Variants in CYTH3 observed in about 807,000 individuals in gnomAD.
The protein encoded by CYTH3 is cytohesin-3.
Under a neutral mutation model 55.1 loss-of-function variants are expected in CYTH3, and 23 were observed. The ratio of observed to expected loss-of-function variants is 0.42; its 90% confidence interval spans 0.30 to 0.59. The LOEUF is 0.59. Ranked by LOEUF, CYTH3 falls within the 20% of genes least tolerant of loss-of-function variation. The pLI, the probability that CYTH3 is intolerant of heterozygous loss-of-function variation, is 0.20. For synonymous variants in CYTH3, 249 were observed against 194.9 expected (o/e 1.28, Z -2.31); for missense variants, 413 against 524.8 (o/e 0.79, Z 2.08).
intron 9 of CYTH3, among the ~76,000 whole-genome samples, chr7:6,168,617 AC>A (rs1179395320): frequency 6.6e-6 from 1 of 152,176 alleles, no homozygotes; most frequent in Non-Finnish European, 1.5e-5. Context: ...CGCCAGCTGG[AC>A]CAGCCCCTCC....
At chr7:6,188,113 G>C (rs1003861674) in intron 2 of CYTH3, among the ~76,000 whole-genome samples, 2 of 152,066 alleles carry the variant, frequency 1.3e-5, no homozygotes, top group African/African-American at 2.4e-5. Context: ...GATCGCTTGA[G>C]ATCAGGAGTT....
intron 1 of CYTH3, among the ~76,000 whole-genome samples, chr7:6,243,208 G>A (rs1475494613): frequency 4.6e-5 from 7 of 152,180 alleles, no homozygotes; most frequent in African/African-American, 1.7e-4. Flanking sequence ...TCACCTCCAG[G>A]CATAAGAGCG....
chr7:6,197,959 T>C (rs1160302665), intron 1 of CYTH3, among the ~76,000 whole-genome samples: 4 of 152,000 alleles, frequency 2.6e-5, no homozygotes, highest in African/African-American at 9.7e-5. Context: ...GCCAGACATG[T>C]CACGCATGCC....
intron 1 of CYTH3, among the ~76,000 whole-genome samples, chr7:6,232,618 T>A (rs183609007): frequency 1.1e-4 from 16 of 152,284 alleles, no homozygotes; most frequent in Admixed American, 1.0e-3. Context: ...GAAATCATTT[T>A]GCCAGTGCCA....
At chr7:6,224,998 TC>T (rs1278126836) in intron 1 of CYTH3, among the ~76,000 whole-genome samples, 1 of 152,148 alleles carries the variant, frequency 6.6e-6, no homozygotes, top group Non-Finnish European at 1.5e-5. Flanking sequence ...AAAGGGCAAA[TC>T]TATAGAGACA....
At chr7:6,168,219 A>AATT (rs1783066947) in intron 9 of CYTH3, among the ~76,000 whole-genome samples, 1 of 121,616 alleles carries the variant, frequency 8.2e-6, no homozygotes, top group African/African-American at 3.1e-5. Context: ...ACCTCCTAGG[A>AATT]TTTTTTTTTT....
chr7:6,250,002 C>T (rs1428454903), intron 1 of CYTH3, among the ~76,000 whole-genome samples: 2 of 152,220 alleles, frequency 1.3e-5, no homozygotes, highest in Non-Finnish European at 2.9e-5. Flanking sequence ...CTTTGACCAA[C>T]TTCTCCCCAC....
At chr7:6,172,336 C>T (rs901864756) in intron 6 of CYTH3, among the ~76,000 whole-genome samples, 1 of 152,098 alleles carries the variant, frequency 6.6e-6, no homozygotes, top group Non-Finnish European at 1.5e-5. Context: ...CCCTTCTTCT[C>T]CGCCAGGCCT....
chr7:6,247,264 T>C (rs1779843544), intron 1 of CYTH3, among the ~76,000 whole-genome samples: 1 of 152,262 alleles, frequency 6.6e-6, no homozygotes, highest in Non-Finnish European at 1.5e-5. Flanking sequence ...TTTCTGGCAA[T>C]GTTATAGAAA....
chr7:6,238,063 T>C (rs1400049473), intron 1 of CYTH3, among the ~76,000 whole-genome samples: 1 of 152,202 alleles, frequency 6.6e-6, no homozygotes, highest in African/African-American at 2.4e-5. Flanking sequence ...AAAATGCATT[T>C]TAAATATCCT....
intron 6 of CYTH3, chr7:6,173,075 T>C: frequency 1.9e-6 from 2 of 1,061,970 alleles, no homozygotes; most frequent in Non-Finnish European, 2.3e-6. Context: ...TGCTGAGTGC[T>C]GGCTCAGGGT....
intron 4 of CYTH3, among the ~76,000 whole-genome samples, chr7:6,179,415 A>T (rs1032148679): frequency 1.3e-5 from 2 of 152,078 alleles, no homozygotes; most frequent in African/African-American, 4.8e-5. Context: ...TCTGGGTTGC[A>T]GTTATGTGAG....
intron 1 of CYTH3, among the ~76,000 whole-genome samples, chr7:6,230,438 A>G (rs1301876853): frequency 1.3e-5 from 2 of 152,244 alleles, no homozygotes; most frequent in African/African-American, 2.4e-5. Context: ...CCAAAGAAAC[A>G]AAACTAGTCA....
intron 1 of CYTH3, among the ~76,000 whole-genome samples, chr7:6,271,927 A>G (rs777842523): frequency 2.6e-5 from 4 of 151,750 alleles, no homozygotes; most frequent in Non-Finnish European, 5.9e-5. Context: ...GAGCAAATCC[A>G]GCGACCGTTT....
intron 1 of CYTH3, among the ~76,000 whole-genome samples, chr7:6,252,893 G>T (rs888084761): frequency 1.3e-5 from 2 of 152,128 alleles, no homozygotes. Context: ...TGTTAAGCCA[G>T]ATAACTACCT....
intron 1 of CYTH3, among the ~76,000 whole-genome samples, chr7:6,260,488 G>A (rs967943793): frequency 6.6e-6 from 1 of 151,806 alleles, no homozygotes; most frequent in Non-Finnish European, 1.5e-5. Context: ...TCCAATTAAG[G>A]CCCATGGCAC....
chr7:6,180,075 G>A (rs1474803404), intron 4 of CYTH3, among the ~76,000 whole-genome samples: 1 of 152,236 alleles, frequency 6.6e-6, no homozygotes, highest in South Asian at 2.1e-4. Context: ...AGTGAGGCCG[G>A]TGGAGAAGCC....
At chr7:6,270,734 T>C (rs1350304509) in intron 1 of CYTH3, among the ~76,000 whole-genome samples, 1 of 152,206 alleles carries the variant, frequency 6.6e-6, no homozygotes, top group African/African-American at 2.4e-5. Flanking sequence ...TATTTCAAGG[T>C]TGCTTCCCTG....
intron 1 of CYTH3, among the ~76,000 whole-genome samples, chr7:6,204,376 C>T (rs1419108813): frequency 6.6e-6 from 1 of 152,202 alleles, no homozygotes; most frequent in African/African-American, 2.4e-5. Context: ...ATTACATCTC[C>T]AGATCCTCTT....
Sources: gnomAD v4.1 joint callset for allele counts (sites outside exome capture counted in the v4.1 genomes callset) on GRCh38, gnomAD v4.1.1 for gene constraint, MANE v1.5 for transcripts, NCBI Gene and HGNC (gene_info 2026-07-23, HGNC 2026-07-21) for gene names.